Variants in ALPK1 observed in about 807,000 individuals in gnomAD.
The protein encoded by ALPK1 is alpha-protein kinase 1.
A neutral mutation model predicts 120.6 loss-of-function variants in ALPK1; 110 were observed. The ratio of observed to expected loss-of-function variants is 0.91; its 90% CI spans 0.78 to 1.07. The LOEUF (loss-of-function observed/expected upper bound fraction) is 1.07. ALPK1 is among the 50% of genes least tolerant of loss of function. ALPK1 has a pLI of 0.00. For missense variants in ALPK1, 1,498 were observed against 1,483.9 expected (o/e 1.01, Z -0.16); for synonymous variants, 582 against 560.3 (o/e 1.04, Z -0.55).
intron 4 of ALPK1, among the ~76,000 whole-genome samples, chr4:112,394,317 G>A (rs1208484445): frequency 3.9e-5 from 6 of 152,000 alleles, no homozygotes; most frequent in South Asian, 2.1e-4. Flanking sequence ...TATTTTATTC[G>A]GAGCAGAATT....
rs569434196 is a variant in ALPK1, at chr4:112,311,060, G to C, written c.-152-4741G>C. Among the ~76,000 whole-genome samples the C allele has an allele frequency of 1.2e-3, 180 of 152,326 alleles. 1 individual carries two copies. Among genetic ancestry groups the C allele is most frequent in the Middle Eastern group, 3.4e-3 (1 of 294 alleles). On this transcript the variant is annotated intron_variant, in intron 1 of 15. Transcript: ENST00000650871. ...ACGTAGCTGGTTTGTGATGGAGTCA[G>C]GATTAGAACCCAGGTTACCCAGTGT...
At chr4:112,324,631 C>A (rs1299401118) in intron 2 of ALPK1, among the ~76,000 whole-genome samples, 2 of 152,124 alleles carry the variant, frequency 1.3e-5, no homozygotes, top group African/African-American at 2.4e-5. Flanking sequence ...TATGTGCCAC[C>A]ACTACAGGCT....
intron 5 of ALPK1, among the ~76,000 whole-genome samples, chr4:112,422,994 T>C (rs1486498321): frequency 6.6e-6 from 1 of 152,226 alleles, no homozygotes; most frequent in Non-Finnish European, 1.5e-5. Context: ...TGAAGGGAAA[T>C]AAACTCTAGA....
At chr4:112,374,234 C>A (rs1731550283) in intron 2 of ALPK1, among the ~76,000 whole-genome samples, 2 of 152,226 alleles carry the variant, frequency 1.3e-5, no homozygotes, top group African/African-American at 4.8e-5. Context: ...ATGTTCACAG[C>A]ATCTTTACCA....
chr4:112,309,474 C>T (rs1167135194), intron 1 of ALPK1, among the ~76,000 whole-genome samples: 2 of 152,164 alleles, frequency 1.3e-5, no homozygotes, highest in Admixed American at 1.3e-4. Flanking sequence ...AGCCTCGCTG[C>T]CACCCTGCAG....
At chr4:112,401,454 G>A (rs947874520) in intron 4 of ALPK1, among the ~76,000 whole-genome samples, 4 of 152,202 alleles carry the variant, frequency 2.6e-5, no homozygotes, top group Non-Finnish European at 1.5e-5. Context: ...CTTAAATGCT[G>A]TCAAAATGGT....
intron 4 of ALPK1, among the ~76,000 whole-genome samples, chr4:112,406,552 T>G (rs1047521701): frequency 5.9e-5 from 9 of 152,216 alleles, no homozygotes; most frequent in African/African-American, 1.4e-4. Context: ...GCAAGTTCTC[T>G]CTGACCTTCT....
intron 2 of ALPK1, among the ~76,000 whole-genome samples, chr4:112,376,128 C>T (rs1159120605): frequency 1.3e-5 from 2 of 152,122 alleles, no homozygotes; most frequent in Middle Eastern, 6.3e-3. Flanking sequence ...CTCAGATCAC[C>T]ATAACAGATA....
At chr4:112,414,929 G>C (rs1733668012) in intron 5 of ALPK1, 2 of 152,316 alleles carry the variant, frequency 1.3e-5, no homozygotes, top group South Asian at 4.1e-4. Context: ...CCTGGGCAGA[G>C]ATGAGAGACA....
chr4:112,426,584 G>T (rs1734247643), intron 8 of ALPK1, 41 bp downstream of exon 8: 3 of 1,403,964 alleles, frequency 2.1e-6, no homozygotes, highest in Admixed American at 2.6e-5. Context: ...TCCTGTATTT[G>T]TCTTTGGATG....
intron 5 of ALPK1, among the ~76,000 whole-genome samples, chr4:112,420,682 A>G (rs986784505): frequency 2.0e-5 from 3 of 152,224 alleles, no homozygotes; most frequent in African/African-American, 7.2e-5. Context: ...AGCCAGGCAT[A>G]TATCCCAAGT....
At chr4:112,311,238 T>C (rs1728388573) in intron 1 of ALPK1, among the ~76,000 whole-genome samples, 1 of 152,320 alleles carries the variant, frequency 6.6e-6, no homozygotes, top group Admixed American at 6.5e-5. Flanking sequence ...CCACCCTAAA[T>C]GACACTCTCA....
intron 4 of ALPK1, among the ~76,000 whole-genome samples, chr4:112,401,016 T>C (rs903701627): frequency 2.6e-5 from 4 of 152,136 alleles, no homozygotes; most frequent in Non-Finnish European, 4.4e-5. Flanking sequence ...TGGCTGCTCA[T>C]TGGAATCACC....
At chr4:112,378,823 A>G (rs1731778429) in intron 3 of ALPK1, among the ~76,000 whole-genome samples, 1 of 152,140 alleles carries the variant, frequency 6.6e-6, no homozygotes, top group Admixed American at 6.5e-5. Context: ...AGGCACATAT[A>G]TTTTTACAAG....
chr4:112,378,181 A>G (rs568131595), intron 3 of ALPK1, among the ~76,000 whole-genome samples: 3 of 152,348 alleles, frequency 2.0e-5, no homozygotes, highest in Admixed American at 1.3e-4. Context: ...AAAGGATCCA[A>G]GTTGGCTGGT....
intron 5 of ALPK1, chr4:112,415,203 G>GA (rs1176408902): frequency 4.0e-5 from 6 of 151,232 alleles, no homozygotes; most frequent in Non-Finnish European, 7.4e-5. Context: ...AAATAATTAA[G>GA]AAAAAAAAAT....
At chr4:112,375,162 T>C (rs967668034) in intron 2 of ALPK1, among the ~76,000 whole-genome samples, 2 of 150,514 alleles carry the variant, frequency 1.3e-5, no homozygotes, top group Non-Finnish European at 2.9e-5. Flanking sequence ...TGTAGCCACC[T>C]TTGTCAGTGA....
At chr4:112,375,131 C>A (rs146145838) in intron 2 of ALPK1, among the ~76,000 whole-genome samples, 15 of 152,114 alleles carry the variant, frequency 9.9e-5, no homozygotes, top group African/African-American at 3.6e-4. Context: ...GTTTTGTCAC[C>A]ACTGAAAATC....
intron 2 of ALPK1, among the ~76,000 whole-genome samples, chr4:112,348,346 A>G (rs1449985853): frequency 6.6e-6 from 1 of 152,260 alleles, no homozygotes; most frequent in African/African-American, 2.4e-5. Flanking sequence ...TCTGAAGGCT[A>G]GCTACACCAA....
Sources: gnomAD v4.1 joint callset for allele counts (sites outside exome capture counted in the v4.1 genomes callset) on GRCh38, gnomAD v4.1.1 for gene constraint, MANE v1.5 for transcripts, NCBI Gene and HGNC (gene_info 2026-07-23, HGNC 2026-07-21) for gene names.